Variants in EZR observed in about 807,000 individuals in gnomAD.
EZR encodes cytovillin 2.
In EZR, 40 loss-of-function variants were observed where a neutral mutation model predicts 74.8. That is an observed-to-expected ratio of 0.53 (90% confidence interval 0.42 to 0.70). The LOEUF (loss-of-function observed/expected upper bound fraction) is 0.70, where lower values mean the gene tolerates loss of function less well. Ranked by LOEUF, EZR falls within the 30% of genes least tolerant of loss-of-function variation. The pLI is 0.00. For synonymous variants in EZR, 341 were observed against 283.3 expected, an observed-to-expected ratio of 1.20 and a Z score of -2.05; for missense variants, 678 against 755.8, an observed-to-expected ratio of 0.90 and a Z score of 1.21.
chr6:158,792,258 G>C (rs890751021), intron 2 of EZR, among the ~76,000 whole-genome samples: 1 of 142,530 alleles, frequency 7.0e-6, no homozygotes, highest in Non-Finnish European at 1.6e-5. Flanking sequence ...CTGTCGCCCA[G>C]GTTGGAGTGC....
intron 7 of EZR, among the ~76,000 whole-genome samples, chr6:158,778,179 C>T (rs1287373639): frequency 6.6e-6 from 1 of 152,194 alleles, no homozygotes; most frequent in Non-Finnish European, 1.5e-5. Context: ...ATCCAAGCTC[C>T]GGAGGCTCCG....
chr6:158,801,974 G>A (rs1047832712), intron 2 of EZR, among the ~76,000 whole-genome samples: 1 of 152,196 alleles, frequency 6.6e-6, no homozygotes, highest in Admixed American at 6.5e-5. Flanking sequence ...TAAACCAGCA[G>A]GACAATTCAA....
In EZR at chr6:158,785,321, A is replaced by G; in HGVS notation, c.455T>C (p.Leu152Pro). 6.2e-7 allele frequency: 1 copy of G among 1,614,006 alleles called. No homozygotes were observed. The highest frequency in any genetic ancestry group is 8.5e-7 in the Non-Finnish European group (1 of 1,180,022). Reference protein sequence around the residue: ...HKSGYLSSERLIPQRVMDQHK... With the variant: ...HKSGYLSSERPIPQRVMDQHK... ...ATCCTGTGCTCACCTTTGAGGGATC[A>G]GCCGCTCAGAGCTGAGGTACCCAGA... Residue 152 changes from leucine to proline, a missense_variant, in exon 5 of 14, where the codon CTG becomes CCG. Physicochemically the swap from Leu to Pro is moderately conservative, Grantham distance 98. Around this residue, in one of 3 missense-constraint regions of EZR, gnomAD observed 217 missense variants for 232.2 expected, o/e 0.93. Coordinates refer to ENST00000367075, the MANE Select transcript of EZR (RefSeq NM_001111077.2).
intron 8 of EZR, among the ~76,000 whole-genome samples, chr6:158,775,515 G>A (rs1357360579): frequency 1.3e-5 from 2 of 152,126 alleles, no homozygotes; most frequent in Non-Finnish European, 2.9e-5. Flanking sequence ...AGACAACCAA[G>A]GTATGGACCA....
intron 2 of EZR, among the ~76,000 whole-genome samples, chr6:158,803,620 TATATACATATAC>T (rs1313248711): frequency 4.1e-5 from 1 of 24,186 alleles, no homozygotes; most frequent in East Asian, 1.1e-3. Flanking sequence ...TATATATATA[TATATACATATAC>T]ATACATATAT....
In EZR at chr6:158,818,178, G is replaced by C; in HGVS notation, c.-73-12C>G. The C allele has an allele frequency of 1.3e-6, 2 of 1,515,242 alleles. No homozygotes were observed. Among genetic ancestry groups the C allele is most frequent in the Non-Finnish European group, 1.8e-6 (2 of 1,103,050 alleles). 93.9% of individuals were successfully genotyped at this position (1,515,242 alleles called of 1,614,324 possible). On this transcript the variant is annotated splice_polypyrimidine_tract_variant and intron_variant, in intron 1 of 13. Transcript: ENST00000367075. ...GACGCTGTCCCAACCTGGAGTCAGA[G>C]CAGAACCCTTAGAGCGCCCGCCCGC... is the stretch of plus-strand genomic sequence containing the variant.
rs865985345 is a variant in EZR at position 158,769,414 on chromosome 6, G to A, written c.1256C>T (p.Ala419Val). ...DQIKSQEQLA[A>V]ELAEYTAKIA... The stretch of plus-strand genomic sequence containing the variant: ...CTTGGCAGTGTATTCTGCAAGCTCC[G>A]CAGCCTGGGAAGGGAATGCCAAGCT... Residue 419 changes from alanine to valine, a missense_variant, in exon 12 of 14, where the codon GCG becomes GTG. Ala to Val is a moderately conservative substitution (Grantham distance 64, BLOSUM62 0). Transcript: ENST00000367075. The A allele has an allele frequency of 1.9e-6, 3 of 1,605,560 alleles. No homozygotes were observed. Among genetic ancestry groups the A allele is most frequent in the South Asian group, 1.1e-5 (1 of 91,076 alleles).
intron 7 of EZR, among the ~76,000 whole-genome samples, chr6:158,780,534 G>A (rs1377723649): frequency 6.6e-6 from 1 of 152,170 alleles, no homozygotes; most frequent in African/African-American, 2.4e-5. Flanking sequence ...GGAATTTAAA[G>A]AAGAGACATG....
At chr6:158,773,855 T>G (rs1257067028) in intron 8 of EZR, among the ~76,000 whole-genome samples, 5 of 152,180 alleles carry the variant, frequency 3.3e-5, no homozygotes. Context: ...AAAACGCCCT[T>G]TTGAAAGGGA....
At position 158,766,940 on chromosome 6, in the gene EZR, G is replaced by A. The variant is rs1430541322; in HGVS notation, c.1735C>T (p.Arg579Cys). ...RQIRQGNTKQ[R>C]IDEFEAL Reference sequence around the variant, plus strand: ...TACAGGGCCTCGAACTCGTCGATGCGCTGCTTGGTGTTGCCCTGCCGGATC... The same window carrying A: ...TACAGGGCCTCGAACTCGTCGATGCACTGCTTGGTGTTGCCCTGCCGGATC... Residue 579 changes from arginine (R) to cysteine (C), a missense_variant, in exon 14 of 14, where the codon CGC becomes TGC. Arg to Cys is a radical substitution (Grantham distance 180). Around this residue, in one of 3 missense-constraint regions of EZR, gnomAD observed 342 missense variants for 341.2 expected, o/e 1.00. Coordinates refer to ENST00000367075, the MANE Select transcript of EZR (RefSeq NM_001111077.2). 6.2e-7 allele frequency: 1 copy of A among 1,614,016 alleles called. No individual in the cohort carries two copies. The highest frequency in any genetic ancestry group is 8.5e-7 in the Non-Finnish European group (1 of 1,180,016).
chr6:158,795,254 A>T (rs546178213), intron 2 of EZR, among the ~76,000 whole-genome samples: 49 of 152,000 alleles, frequency 3.2e-4, no homozygotes, highest in Non-Finnish European at 5.4e-4. Context: ...TCCATCGCAA[A>T]AAATAAATAA....
At chr6:158,772,812 G>A (rs575765420) in intron 8 of EZR, among the ~76,000 whole-genome samples, 7 of 152,160 alleles carry the variant, frequency 4.6e-5, no homozygotes, top group Non-Finnish European at 1.0e-4. Flanking sequence ...AAAACAGTGC[G>A]ATATATCCCA....
At position 158,771,245 on chromosome 6, in the gene EZR, G is replaced by A. The variant is rs1425653207; in HGVS notation, c.958C>T (p.Arg320Trp). The change falls in exon 9 of 14, where the codon CGG becomes TGG. Residue 320 changes from arginine to tryptophan, a missense_variant and splice_region_variant. Arg to Trp is a moderately radical substitution (Grantham distance 101). Around this residue, in one of 3 missense-constraint regions of EZR, gnomAD observed 119 missense variants for 182.3 expected, o/e 0.65. Coordinates refer to ENST00000367075, the MANE Select transcript of EZR (RefSeq NM_001111077.2). ...CCCACTCTGGCCTCACGCGCTCACC[G>A]CTCCAGCTGCTTCTGATGCTTCTCC... Reference protein sequence around the residue: ...REEKHQKQLERQQLETEKKRR... With the variant: ...REEKHQKQLEWQQLETEKKRR... The A allele has an allele frequency of 3.1e-6, 5 of 1,610,874 alleles. No individual in the cohort carries two copies. The highest frequency in any genetic ancestry group is 1.7e-5 in the Admixed American group (1 of 59,528).
intron 6 of EZR, 68 bp from the exon 7 acceptor site, chr6:158,783,734 C>G (rs1290166782): frequency 1.3e-6 from 2 of 1,518,812 alleles, no homozygotes; most frequent in Non-Finnish European, 1.8e-6. Flanking sequence ...TAAAACCTTT[C>G]CAGTATTTTT....
At position 158,769,401 on chromosome 6, in the gene EZR, T is replaced by C. The variant is rs755539354; in HGVS notation, c.1269A>G (p.Glu423=). Residue 423 remains glutamate (E), a synonymous_variant, in exon 12 of 14, where the codon GAA becomes GAG. Coordinates refer to ENST00000367075, the MANE Select transcript of EZR (RefSeq NM_001111077.2). ...CCAGGAGGGCAATCTTGGCAGTGTA[T>C]TCTGCAAGCTCCGCAGCCTGGGAAG... ...SQEQLAAELA[E]YTAKIALLEE... is the part of the protein sequence containing the mutation. 6.2e-7 allele frequency: 1 copy of C among 1,607,298 alleles called. No homozygotes were observed. The highest frequency in any genetic ancestry group is 1.1e-5 in the South Asian group (1 of 91,088).
At chr6:158,790,973 T>C (rs891760882) in intron 2 of EZR, among the ~76,000 whole-genome samples, 3 of 152,224 alleles carry the variant, frequency 2.0e-5, no homozygotes, top group Non-Finnish European at 2.9e-5. Context: ...AAGGACGTAT[T>C]ACCTGTGCCA....
chr6:158,817,972 G>T (rs1994350), intron 2 of EZR, 110 bp downstream of exon 2: 176,415 of 1,033,318 alleles, frequency 0.17, 18,469 homozygotes, highest in African/African-American at 0.44. Context: ...CGTCTTCTGC[G>T]TGTGAGAAGA....
In EZR at chr6:158,767,314, C is replaced by T. The variant is rs753956567; in HGVS notation, c.1543G>A (p.Glu515Lys). The change falls in exon 13 of 14, where the codon GAG becomes AAG. Residue 515 changes from glutamate (E) to lysine (K), a missense_variant. Glu to Lys is a moderately conservative substitution (Grantham distance 56). Around this residue, in one of 3 missense-constraint regions of EZR, gnomAD observed 342 missense variants for 341.2 expected, o/e 1.00. Transcript: ENST00000367075. ...SEGIRDDRNE[E>K]KRITEAEKNE... ...TTCTCTGCCTCAGTGATGCGCTTCT[C>T]CTCATTGCGGTCATCCCGGATGCCC... is the stretch of plus-strand genomic sequence containing the variant. 2 of 1,614,186 alleles carry T rather than the reference C, an allele frequency of 1.2e-6. No homozygotes were observed. The highest frequency in any genetic ancestry group is 1.7e-6 in the Non-Finnish European group (2 of 1,180,016).
intron 2 of EZR, among the ~76,000 whole-genome samples, chr6:158,804,752 TTTC>T (rs1376729837): frequency 3.5e-5 from 2 of 56,768 alleles, no homozygotes; most frequent in African/African-American, 2.4e-4. Flanking sequence ...GAGTTTTTCC[TTTC>T]TTTTTTTCTT....
Sources: gnomAD v4.1 joint callset for allele counts (sites outside exome capture counted in the v4.1 genomes callset) on GRCh38, gnomAD v4.1.1 for gene constraint, gnomAD v4.1.1 regional missense constraint, MANE v1.5 for transcripts, NCBI Gene and HGNC (gene_info 2026-07-23, HGNC 2026-07-21) for gene names.